DOCK2: variants seen among roughly 807,000 people sequenced by gnomAD.
DOCK2 encodes the protein dedicator of cytokinesis 2, also known as dedicator of cytokinesis protein 2.
DOCK2 carries 87 observed loss-of-function variants against 248.9 expected under a neutral mutation model. That is an observed-to-expected ratio of 0.35 (90% CI 0.29 to 0.42). The LOEUF (loss-of-function observed/expected upper bound fraction) is 0.42. Among genes scored for constraint, DOCK2 ranks in the 10% least tolerant of loss-of-function variants. DOCK2 has a pLI of 1.00. For synonymous variants in DOCK2, 805 were observed against 821.6 expected (o/e 0.98, Z 0.35); for missense variants, 1,747 against 2,300.2 (o/e 0.76, Z 4.92).
intron 26 of DOCK2, among the ~76,000 whole-genome samples, chr5:169,804,819 A>G (rs1767253544): frequency 6.6e-6 from 1 of 152,150 alleles, no homozygotes; most frequent in African/African-American, 2.4e-5. Context: ...AGGGGATACA[A>G]AGGCATGGTC....
intron 25 of DOCK2, among the ~76,000 whole-genome samples, chr5:169,785,722 A>G (rs1001119373): frequency 6.6e-6 from 1 of 152,192 alleles, no homozygotes; most frequent in Admixed American, 6.5e-5. Flanking sequence ...CTGAAGACCC[A>G]TTATGGTTTG....
intron 27 of DOCK2, among the ~76,000 whole-genome samples, chr5:169,933,514 T>C (rs369220550): frequency 6.6e-6 from 1 of 152,264 alleles, no homozygotes; most frequent in Non-Finnish European, 1.5e-5. Context: ...CTGTGTTTTG[T>C]TGTTAATATT....
At chr5:169,694,135 A>T (rs1760466477) in intron 9 of DOCK2, among the ~76,000 whole-genome samples, 1 of 151,922 alleles carries the variant, frequency 6.6e-6, no homozygotes, top group Non-Finnish European at 1.5e-5. Flanking sequence ...GCACAGCCCC[A>T]CTCCCTTCCT....
At chr5:169,660,534 CTATT>C (rs1489909472) in intron 2 of DOCK2, among the ~76,000 whole-genome samples, 1 of 152,144 alleles carries the variant, frequency 6.6e-6, no homozygotes, top group Non-Finnish European at 1.5e-5. Flanking sequence ...GAACACATAT[CTATT>C]ACCACATTGT....
chr5:169,715,246 G>T (rs1033545559), intron 19 of DOCK2, among the ~76,000 whole-genome samples: 1 of 152,144 alleles, frequency 6.6e-6, no homozygotes, highest in South Asian at 2.1e-4. Flanking sequence ...TATGAATTGG[G>T]ACAAGTGTTT....
chr5:169,774,634 C>T (rs1765276680), intron 25 of DOCK2, among the ~76,000 whole-genome samples: 1 of 152,172 alleles, frequency 6.6e-6, no homozygotes, highest in African/African-American at 2.4e-5. Context: ...TAAATTTGAG[C>T]TCACACATGC....
chr5:170,066,514 T>C (rs149142338), intron 44 of DOCK2, among the ~76,000 whole-genome samples: 19 of 152,238 alleles, frequency 1.2e-4, no homozygotes, highest in African/African-American at 4.3e-4. Flanking sequence ...TAAGAAAACA[T>C]TGAACTTAAC....
chr5:170,022,829 C>T (rs926400867), intron 33 of DOCK2, among the ~76,000 whole-genome samples: 1 of 152,166 alleles, frequency 6.6e-6, no homozygotes, highest in South Asian at 2.1e-4. Context: ...CTGAGATGCA[C>T]GTGGTGGGCA....
At chr5:169,778,360 G>T (rs1765500722) in intron 25 of DOCK2, among the ~76,000 whole-genome samples, 1 of 152,202 alleles carries the variant, frequency 6.6e-6, no homozygotes, top group Admixed American at 6.5e-5. Context: ...TCAGTAGTGA[G>T]TAGTAATATT....
At chr5:169,882,400 A>G (rs193245223) in intron 27 of DOCK2, among the ~76,000 whole-genome samples, 1 of 152,278 alleles carries the variant, frequency 6.6e-6, no homozygotes, top group East Asian at 1.9e-4. Flanking sequence ...TCCATTAGAG[A>G]AAAGGGAGGT....
intron 30 of DOCK2, among the ~76,000 whole-genome samples, chr5:170,006,869 G>T (rs967075106): frequency 1.3e-5 from 2 of 152,154 alleles, no homozygotes; most frequent in Non-Finnish European, 2.9e-5. Flanking sequence ...CAATCAGAAG[G>T]TCTGCGTGCA....
At chr5:170,015,920 A>C (rs1581529319) in intron 32 of DOCK2, among the ~76,000 whole-genome samples, 5 of 121,742 alleles carry the variant, frequency 4.1e-5, no homozygotes, top group Admixed American at 2.1e-4. Flanking sequence ...CCTTCCTTTC[A>C]CCTTTCCTTC....
chr5:169,656,550 T>TGG (rs1758131030), intron 2 of DOCK2, among the ~76,000 whole-genome samples: 1 of 152,082 alleles, frequency 6.6e-6, no homozygotes, highest in African/African-American at 2.4e-5. Context: ...TGGCCCTAGG[T>TGG]GATTCGTGCA....
At position 169,828,841 on chromosome 5, in the gene DOCK2, G is replaced by A. The variant is rs78875716; in HGVS notation, c.2704-11916G>A. On this transcript the variant is annotated intron_variant, in intron 26 of 51. Transcript: ENST00000520908. ...TAAATCCGCTTAATAAAATCATGGC[G>A]ATTACTTATTTTGTGACAGGTACTT... Among the ~76,000 whole-genome samples, 919 of 152,284 alleles carry A rather than the reference G, an allele frequency of 6.0e-3. 3 individuals are homozygous for A. The highest frequency in any genetic ancestry group is 0.01 in the Middle Eastern group (3 of 294).
intron 22 of DOCK2, among the ~76,000 whole-genome samples, chr5:169,729,883 C>A (rs539217525): frequency 6.6e-6 from 1 of 152,190 alleles, no homozygotes; most frequent in South Asian, 2.1e-4. Context: ...ACCTCTGGGT[C>A]TTAGTTTCCT....
rs373168304 is a variant in DOCK2 at position 170,079,019 on chromosome 5, A to G, written c.5039A>G (p.Gln1680Arg). 8.1e-6 allele frequency: 13 copies of G among 1,614,042 alleles called. No individual in the cohort carries two copies. In the African/African-American group the frequency reaches 1.5e-4, roughly 18 times the overall value. Residue 1680 changes from glutamine (Q) to arginine (R), a missense_variant, in exon 49 of 52, where the codon CAG becomes CGG. By Grantham distance (43) the Gln-to-Arg change is conservative (BLOSUM62 1). Transcript: ENST00000520908. ...TCACCCAAGACGCCGAGAGTGGAGC[A>G]GGAGGAACCGATCTCCCCGGGGAGC... is the stretch of plus-strand genomic sequence containing the variant. Reference protein sequence around the residue: ...LASPKTPRVEQEEPISPGSTL... With the variant: ...LASPKTPRVEREEPISPGSTL...
intron 45 of DOCK2, among the ~76,000 whole-genome samples, chr5:170,068,173 G>C (rs987937722): frequency 1.3e-5 from 2 of 152,098 alleles, no homozygotes; most frequent in African/African-American, 4.8e-5. Context: ...AGGTCATAAG[G>C]TCCCTCCAGA....
chr5:169,647,665 C>A (rs899876113), intron 1 of DOCK2, among the ~76,000 whole-genome samples: 22 of 152,076 alleles, frequency 1.4e-4, no homozygotes, highest in African/African-American at 5.1e-4. Flanking sequence ...AAGCTGGTTT[C>A]CCCCCTCTCT....
intron 1 of DOCK2, among the ~76,000 whole-genome samples, chr5:169,638,821 T>C (rs1056975166): frequency 3.9e-5 from 6 of 152,152 alleles, no homozygotes; most frequent in Non-Finnish European, 7.4e-5. Flanking sequence ...ACAGGTGAAG[T>C]AACCAAGTTT....
Sources: allele counts gnomAD v4.1 joint callset (sites outside exome capture counted in the v4.1 genomes callset), GRCh38; gene constraint gnomAD v4.1.1; transcripts MANE v1.5; gene names NCBI Gene and HGNC (gene_info 2026-07-23, HGNC 2026-07-21).